LPCAT2: variants seen among roughly 807,000 people sequenced by gnomAD.
The protein encoded by LPCAT2 is 1-AGP acyltransferase 11.
A neutral mutation model predicts 64.7 loss-of-function variants in LPCAT2; 58 were observed. The ratio of observed to expected loss-of-function variants is 0.90; its 90% CI spans 0.73 to 1.12. LPCAT2 has a LOEUF of 1.12. Among genes scored for constraint, LPCAT2 ranks in the 50% most tolerant of loss-of-function variants. The pLI is 0.00. For synonymous variants in LPCAT2, 252 were observed against 245.3 expected (o/e 1.03, Z -0.26); for missense variants, 579 against 669.8 (o/e 0.86, Z 1.50).
chr16:55,530,949 T>C (rs1963245307), intron 4 of LPCAT2, among the ~76,000 whole-genome samples: 1 of 152,134 alleles, frequency 6.6e-6, no homozygotes, highest in Non-Finnish European at 1.5e-5. Context: ...TTAGATATGC[T>C]AGGTGACTTT....
chr16:55,584,592 A>G lies in LPCAT2; in HGVS notation c.*1494A>G, dbSNP rs537909755. On this transcript the variant is annotated 3_prime_UTR_variant, in exon 14 of 14. Coordinates refer to ENST00000262134, the MANE Select transcript of LPCAT2 (RefSeq NM_017839.5). ...TCATTTTCTGAATTCAGTCTTTGAA[A>G]TAAAACTCCTTGTTTTGGCCGTGTT... The G allele has an allele frequency of 5.9e-5, 9 of 152,338 alleles. No homozygotes were observed. In the East Asian group the frequency reaches 1.7e-3, roughly 29 times the overall value. 9.4% of individuals were successfully genotyped at this position (152,338 alleles called of 1,614,324 possible). A position where few individuals can be genotyped will look rare whatever the true frequency, so the allele number is the denominator to read the frequency against.
intron 4 of LPCAT2, among the ~76,000 whole-genome samples, chr16:55,531,626 C>T (rs760504529): frequency 6.6e-6 from 1 of 152,128 alleles, no homozygotes; most frequent in Non-Finnish European, 1.5e-5. Context: ...GAATTATGCT[C>T]TACATCTTTT....
At chr16:55,549,799 T>G (rs1237280523) in intron 10 of LPCAT2, among the ~76,000 whole-genome samples, 1 of 152,226 alleles carries the variant, frequency 6.6e-6, no homozygotes, top group Admixed American at 6.5e-5. Context: ...GTTGCAATTC[T>G]TACCACCACT....
intron 12 of LPCAT2, among the ~76,000 whole-genome samples, chr16:55,577,686 C>T (rs1175733742): frequency 6.6e-6 from 1 of 152,072 alleles, no homozygotes; most frequent in Non-Finnish European, 1.5e-5. Flanking sequence ...ATCAGTTATC[C>T]TTATTTTGCT....
Position 55,525,494 on chromosome 16 carries a change from A to C in LPCAT2, c.172-14A>C. On this transcript the variant is annotated splice_polypyrimidine_tract_variant and intron_variant, in intron 1 of 13. Transcript: ENST00000262134. ...AATGTCCATTCATTTATTTTTACCA[A>C]CTTTGACTTTCAGATTGTCCTTCTT... The C allele has an allele frequency of 6.3e-7, 1 of 1,597,874 alleles. No individual in the cohort carries two copies. Among genetic ancestry groups the C allele is most frequent in the Non-Finnish European group, 8.5e-7 (1 of 1,173,052 alleles).
chr16:55,534,751 G>A lies in LPCAT2; in HGVS notation c.797+274G>A, dbSNP rs530786837. On this transcript the variant is annotated intron_variant, in intron 7 of 13. Transcript: ENST00000262134. Reference sequence around the variant, plus strand: ...GTCTCAAGTGTTTGCTAGTTCGTAAGTGACCTAGTTTGCATCATAGTTAGC... The same window carrying A: ...GTCTCAAGTGTTTGCTAGTTCGTAAATGACCTAGTTTGCATCATAGTTAGC... Among the ~76,000 whole-genome samples, 3 of 152,068 alleles carry A rather than the reference G, an allele frequency of 2.0e-5. No individual in the cohort carries two copies. The South Asian group carries it at 6.2e-4, about 31-fold the overall frequency.
At chr16:55,527,761 G>A (rs1272910949) in intron 2 of LPCAT2, among the ~76,000 whole-genome samples, 1 of 152,164 alleles carries the variant, frequency 6.6e-6, no homozygotes, top group Non-Finnish European at 1.5e-5. Context: ...GTACATCTCT[G>A]TTCCAGGGAA....
At chr16:55,560,856 C>A (rs1963628054) in intron 11 of LPCAT2, among the ~76,000 whole-genome samples, 2 of 151,948 alleles carry the variant, frequency 1.3e-5, no homozygotes, top group African/African-American at 2.4e-5. Flanking sequence ...CCCAAGTATA[C>A]AATTCAATAA....
At position 55,509,291 on chromosome 16, in the gene LPCAT2, C is replaced by G. The variant is rs1962887213; in HGVS notation, c.110C>G (p.Pro37Arg). The G allele has an allele frequency of 6.6e-7, 1 of 1,512,958 alleles. No homozygotes were observed. The highest frequency in any genetic ancestry group is 1.2e-5 in the South Asian group (1 of 80,480). 93.7% of individuals were successfully genotyped at this position (1,512,958 alleles called of 1,614,324 possible). ...GTGCCCCGTCAGGCGTCCTTCTTCC[C>G]GCCGCCGGTGCCGAACCCCTTCGTG... ...PMVPRQASFF[P>R]PPVPNPFVQQ... Residue 37 changes from proline (P) to arginine (R), a missense_variant, in exon 1 of 14, where the codon CCG (proline) becomes CGG (arginine). Pro to Arg is a moderately radical substitution (Grantham distance 103). Transcript: ENST00000262134.
chr16:55,559,231 ATT>A (rs1488449052), intron 11 of LPCAT2, among the ~76,000 whole-genome samples: 2 of 152,106 alleles, frequency 1.3e-5, no homozygotes, highest in South Asian at 2.1e-4. Flanking sequence ...AATGGTCATG[ATT>A]TTTCCCATTT....
At chr16:55,549,200 C>T in intron 9 of LPCAT2, 77 bp from the exon 10 acceptor site, 1 of 1,193,582 alleles carries the variant, frequency 8.4e-7, no homozygotes, top group Non-Finnish European at 1.2e-6. Context: ...CGTTTGGAAC[C>T]AGTTAAAGCC....
At position 55,512,248 on chromosome 16, in the gene LPCAT2, A is replaced by T. The variant is rs551711269; in HGVS notation, c.171+2896A>T. Among the ~76,000 whole-genome samples, 35 of 152,320 alleles carry T rather than the reference A, an allele frequency of 2.3e-4. No individual in the cohort carries two copies. The East Asian group carries it at 6.6e-3, about 29-fold the overall frequency. ...TTTTCAAGTGAATAATAATAATTTA[A>T]CAGGACTAGTTTTAGTCTCAGGAAT... is the stretch of plus-strand genomic sequence containing the variant. On this transcript the variant is annotated intron_variant, in intron 1 of 13. Coordinates refer to ENST00000262134, the MANE Select transcript of LPCAT2 (RefSeq NM_017839.5).
At chr16:55,531,366 T>C (rs969787218) in intron 4 of LPCAT2, among the ~76,000 whole-genome samples, 1 of 152,140 alleles carries the variant, frequency 6.6e-6, no homozygotes, top group Admixed American at 6.6e-5. Context: ...TGAAGAAGTA[T>C]GTTAAAAGCT....
At chr16:55,526,321 A>G (rs758642888) in intron 2 of LPCAT2, among the ~76,000 whole-genome samples, 3 of 152,170 alleles carry the variant, frequency 2.0e-5, no homozygotes, top group Admixed American at 2.0e-4. Flanking sequence ...TGTGATCTGT[A>G]TGCCTTAAAA....
chr16:55,559,563 A>T (rs1963613105), intron 11 of LPCAT2, among the ~76,000 whole-genome samples: 1 of 152,150 alleles, frequency 6.6e-6, no homozygotes, highest in South Asian at 2.1e-4. Flanking sequence ...TTTTCTGCTC[A>T]TGCTGAGAGT....
At chr16:55,529,093 C>A (rs1963215997) in intron 3 of LPCAT2, among the ~76,000 whole-genome samples, 1 of 152,152 alleles carries the variant, frequency 6.6e-6, no homozygotes, top group African/African-American at 2.4e-5. Flanking sequence ...ACAATAGGTA[C>A]TTCCTGCCAT....
chr16:55,568,673 A>G (rs1963735504), intron 11 of LPCAT2, among the ~76,000 whole-genome samples: 1 of 152,108 alleles, frequency 6.6e-6, no homozygotes, highest in Non-Finnish European at 1.5e-5. Flanking sequence ...GACAGCCTTG[A>G]TTGCTTTGAA....
intron 1 of LPCAT2, among the ~76,000 whole-genome samples, chr16:55,513,368 G>A (rs1962960892): frequency 6.6e-6 from 1 of 152,070 alleles, no homozygotes; most frequent in South Asian, 2.1e-4. Flanking sequence ...CATTGAAGAT[G>A]GTAGAAGAAG....
intron 5 of LPCAT2, 38 bp from the exon 6 acceptor site, chr16:55,532,786 A>G (rs961997668): frequency 1.4e-6 from 2 of 1,442,234 alleles, no homozygotes; most frequent in Non-Finnish European, 1.9e-6. Context: ...ACTTTTATTC[A>G]CATAAAAACA....
Sources: allele counts gnomAD v4.1 joint callset (sites outside exome capture counted in the v4.1 genomes callset), GRCh38; gene constraint gnomAD v4.1.1; transcripts MANE v1.5; gene names NCBI Gene and HGNC (gene_info 2026-07-23, HGNC 2026-07-21).